The following CASK variants were observed in gnomAD, a reference collection of about 807,000 sequenced individuals.
CASK encodes calcium/calmodulin dependent serine protein kinase.
CASK carries 4 observed loss-of-function variants against 82.9 expected under a neutral mutation model. The ratio of observed to expected loss-of-function variants is 0.05; its 90% CI spans 0.02 to 0.11. The LOEUF (loss-of-function observed/expected upper bound fraction) is 0.11, where lower values mean the gene tolerates loss of function less well. CASK is among the 10% of genes least tolerant of loss of function. The probability of loss-of-function intolerance (pLI) is 1.00; values close to 1 mark genes in which losing one functional copy is unlikely to be tolerated. For synonymous variants in CASK, 259 were observed against 253.5 expected, an observed-to-expected ratio of 1.02 and a Z score of -0.20; for missense variants, 358 against 720.9, an observed-to-expected ratio of 0.50 and a Z score of 5.76.
Position 41,869,812 on chromosome X carries a change from CAAAAA to C in CASK, c.60-16590_60-16586del, listed in dbSNP as rs72190097. The stretch of plus-strand genomic sequence containing the variant: ...TGGGTGATGAAGTAAGACTCTGTCT[CAAAAA>C]AAAAAAAAAAAAAAAAAAAGCCAAA... On this transcript the variant is annotated intron_variant, in intron 1 of 26. Coordinates refer to ENST00000378163, the MANE Select transcript of CASK (RefSeq NM_001367721.1). 9.9e-4 allele frequency among the ~76,000 whole-genome samples: 12 copies of C among 12,115 alleles called. No homozygotes were observed. The East Asian group carries it at 0.014, about 14-fold the overall frequency. 10.5% of individuals were successfully genotyped at this position (12,115 alleles called of 115,157 possible). A position where few individuals can be genotyped will look rare whatever the true frequency, so the allele number is the denominator to read the frequency against.
rs751945206 is a variant in CASK at position 41,852,837 on chromosome X, TA to T, written c.172+277del. ...CACAATATAATTCAAAATTAGACCCTAAAAAAAAAGCCCAGATTTTTGCTTT... is the reference window on the plus strand; with the variant it reads ...CACAATATAATTCAAAATTAGACCCTAAAAAAAAGCCCAGATTTTTGCTTT... On this transcript the variant is annotated intron_variant, in intron 2 of 26. Coordinates refer to ENST00000378163, the MANE Select transcript of CASK (RefSeq NM_001367721.1). 5.6e-3 allele frequency among the ~76,000 whole-genome samples: 608 copies of T among 108,208 alleles called. 1 individual carries two copies. Among genetic ancestry groups the T allele is most frequent in the African/African-American group, 0.019 (553 of 29,834 alleles). 94.0% of individuals were successfully genotyped at this position (108,208 alleles called of 115,157 possible). A position where few individuals can be genotyped will look rare whatever the true frequency, so the allele number is the denominator to read the frequency against.
intron 1 of CASK, among the ~76,000 whole-genome samples, chrX:41,854,085 G>A (rs1485866210): frequency 8.9e-6 from 1 of 111,802 alleles, no homozygotes; most frequent in Non-Finnish European, 1.9e-5. Context: ...GAAATTACTA[G>A]AGGAAAGGAA....
chrX:41,690,710 G>A (rs1031149557), intron 5 of CASK, among the ~76,000 whole-genome samples: 8 of 99,706 alleles, frequency 8.0e-5, no homozygotes, highest in African/African-American at 2.6e-4. Context: ...GTCTTACTCC[G>A]TCACCCAGGC....
chrX:41,695,807 C>T lies in CASK; in HGVS notation c.430-24277G>A, dbSNP rs774001718. On this transcript the variant is annotated intron_variant, in intron 5 of 26. Coordinates refer to ENST00000378163, the MANE Select transcript of CASK (RefSeq NM_001367721.1). ...AAAAATTGCTATCTACTGTGTTAACCACATCCTACTCTGTTATTTTCATCG... is the reference window on the plus strand; with the variant it reads ...AAAAATTGCTATCTACTGTGTTAACTACATCCTACTCTGTTATTTTCATCG... 2.2e-5 allele frequency: 27 copies of T among 1,204,050 alleles called. No individual in the cohort carries two copies. In the South Asian group the frequency reaches 4.6e-4, roughly 20 times the overall value.
intron 8 of CASK, among the ~76,000 whole-genome samples, chrX:41,654,565 C>T (rs1473018570): frequency 3.6e-5 from 4 of 110,790 alleles, no homozygotes; most frequent in Non-Finnish European, 7.6e-5. Flanking sequence ...CGCAGCTACT[C>T]GGGAAGCTGA....
At chrX:41,905,347 T>A (rs760388532) in intron 1 of CASK, among the ~76,000 whole-genome samples, 8 of 112,118 alleles carry the variant, frequency 7.1e-5, no homozygotes, top group Admixed American at 1.9e-4. Flanking sequence ...CATTCTACAT[T>A]CCCACCAACG....
At chrX:41,816,702 T>C (rs1001397092) in intron 2 of CASK, among the ~76,000 whole-genome samples, 4 of 110,672 alleles carry the variant, frequency 3.6e-5, no homozygotes, top group African/African-American at 1.3e-4. Context: ...TTTACAGATA[T>C]ACTAAGAATA....
At chrX:41,773,515 A>T (rs2147800171) in intron 3 of CASK, among the ~76,000 whole-genome samples, 1 of 112,019 alleles carries the variant, frequency 8.9e-6, no homozygotes, top group Non-Finnish European at 1.9e-5. Context: ...AATGCAATTC[A>T]CTACAGCAAT....
At position 41,794,188 on chromosome X, in the gene CASK, T is replaced by C. The variant is rs185686913; in HGVS notation, c.173-6905A>G. Among the ~76,000 whole-genome samples the C allele has an allele frequency of 3.8e-3, 423 of 112,335 alleles. 2 individuals carry two copies. The highest frequency in any genetic ancestry group is 0.013 in the African/African-American group (410 of 30,977). On this transcript the variant is annotated intron_variant, in intron 2 of 26. Transcript: ENST00000378163. ...CTTGCCCATTGAAAAAAAATTCCTATGGCCCCAAATATCATCATCAGGTGA... is the reference window on the plus strand; with the variant it reads ...CTTGCCCATTGAAAAAAAATTCCTACGGCCCCAAATATCATCATCAGGTGA...
intron 5 of CASK, among the ~76,000 whole-genome samples, chrX:41,673,448 G>C (rs2067222139): frequency 9.0e-6 from 1 of 111,638 alleles, no homozygotes; most frequent in Admixed American, 9.5e-5. Flanking sequence ...AAAGCAAATA[G>C]AGCCATAAAT....
chrX:41,583,601 T>A (rs1184307203), intron 14 of CASK, among the ~76,000 whole-genome samples: 1 of 107,335 alleles, frequency 9.3e-6, no homozygotes, highest in Non-Finnish European at 1.9e-5. Flanking sequence ...CACGCCAGGC[T>A]ATTTTTTTTT....
chrX:41,812,082 T>C (rs1205459912), intron 2 of CASK, among the ~76,000 whole-genome samples: 3 of 111,640 alleles, frequency 2.7e-5, no homozygotes. Context: ...GGCTCTGAAA[T>C]TGAGGCAATA....
Position 41,531,065 on chromosome X carries a change from T to C in CASK, c.2462A>G (p.Glu821Gly). 1 of 1,211,669 alleles carries C rather than the reference T, an allele frequency of 8.3e-7. No homozygotes were observed. Among genetic ancestry groups the C allele is most frequent in the Non-Finnish European group, 1.1e-6 (1 of 895,248 alleles). Residue 821 changes from glutamate to glycine, a missense_variant, in exon 25 of 27, where the codon GAG becomes GGG. Physicochemically the swap from Glu to Gly is moderately conservative, Grantham distance 98 (BLOSUM62 -2). Coordinates refer to ENST00000378163, the MANE Select transcript of CASK (RefSeq NM_001367721.1). Reference sequence around the variant, plus strand: ...CTGCTCGTGGATCTTCCGGATGGTCTCCAGTTTTGTCCCATACATCGCATC... The same window carrying C: ...CTGCTCGTGGATCTTCCGGATGGTCCCCAGTTTTGTCCCATACATCGCATC... The part of the protein sequence containing the change: ...HEDAMYGTKL[E>G]TIRKIHEQGL...
chrX:41,744,236 G>A (rs1162904050), intron 4 of CASK, among the ~76,000 whole-genome samples: 1 of 111,505 alleles, frequency 9.0e-6, no homozygotes, highest in Non-Finnish European at 1.9e-5. Flanking sequence ...GCAACCTACA[G>A]GAGTGGGTAA....
chrX:41,893,928 A>C (rs1379936605), intron 1 of CASK, among the ~76,000 whole-genome samples: 1 of 111,927 alleles, frequency 8.9e-6, no homozygotes, highest in African/African-American at 3.2e-5. Context: ...AGTGGATCAG[A>C]ATCCAGAGTT....
intron 22 of CASK, among the ~76,000 whole-genome samples, chrX:41,537,356 AG>A (rs1466699986): frequency 1.8e-5 from 2 of 111,712 alleles, no homozygotes; most frequent in Non-Finnish European, 3.8e-5. Flanking sequence ...AAGCACTTAA[AG>A]AATGAGCTTT....
At chrX:41,660,073 G>T in intron 8 of CASK, 1 of 226,729 alleles carries the variant, frequency 4.4e-6, no homozygotes, top group Non-Finnish European at 7.8e-6. Context: ...AATAGTTAAT[G>T]CTATAAAGCA....
rs2071433185 is a variant in CASK at position 41,859,400 on chromosome X, C to G, written c.60-6173G>C. ...CACTTATAACCCCCAAATCAACAGT[C>G]ATGGCACTTTCAGTCGTTTACAGGC... On this transcript the variant is annotated intron_variant, in intron 1 of 26. Transcript: ENST00000378163. Among the ~76,000 whole-genome samples the G allele has an allele frequency of 6.3e-5, 7 of 111,659 alleles. No individual in the cohort carries two copies. In the Admixed American group the frequency reaches 6.7e-4, roughly 11 times the overall value.
At chrX:41,889,688 C>T (rs891305393) in intron 1 of CASK, among the ~76,000 whole-genome samples, 7 of 111,748 alleles carry the variant, frequency 6.3e-5, no homozygotes, top group Admixed American at 1.9e-4. Context: ...TAAAATTTTC[C>T]ACTGGTAACA....
Sources: allele counts gnomAD v4.1 joint callset (sites outside exome capture counted in the v4.1 genomes callset), GRCh38; gene constraint gnomAD v4.1.1; transcripts MANE v1.5; gene names NCBI Gene and HGNC (gene_info 2026-07-23, HGNC 2026-07-21).